SYNE2: variants seen among roughly 807,000 people sequenced by gnomAD.
The protein encoded by SYNE2 is spectrin repeat containing nuclear envelope protein 2.
In SYNE2, 431 loss-of-function variants were observed where a neutral mutation model predicts 856.3. The observed-to-expected ratio is 0.50, with a 90% CI of 0.47 to 0.55. The LOEUF (loss-of-function observed/expected upper bound fraction) is 0.55. SYNE2 is among the 20% of genes least tolerant of loss of function. The probability of loss-of-function intolerance (pLI) is 0.00; values close to 1 mark genes in which losing one functional copy is unlikely to be tolerated. For synonymous variants in SYNE2, 2,923 were observed against 2,872.3 expected (o/e 1.02, Z -0.56); for missense variants, 8,129 against 8,023.2 (o/e 1.01, Z -0.50).
At chr14:64,086,748 C>T (rs1398664691) in intron 57 of SYNE2, among the ~76,000 whole-genome samples, 3 of 137,478 alleles carry the variant, frequency 2.2e-5, no homozygotes, top group Non-Finnish European at 4.6e-5. Flanking sequence ...CTTGCTCTGT[C>T]ACCCAGGCTG....
chr14:64,216,467 A>G (rs765105621), intron 108 of SYNE2, 80 bp downstream of exon 108: 3 of 1,474,818 alleles, frequency 2.0e-6, no homozygotes, highest in Non-Finnish European at 2.8e-6. Flanking sequence ...ATTTTGGTGT[A>G]AACTGCGTGT....
At chr14:64,224,879 A>G (rs1481368319) in intron 114 of SYNE2, 120 bp from the exon 115 acceptor site, 1 of 936,110 alleles carries the variant, frequency 1.1e-6, no homozygotes, top group East Asian at 2.6e-5. Flanking sequence ...TAGTCTCCAA[A>G]GTTTGGCTGT....
chr14:63,774,095 G>A (rs1282834583), intron 1 of SYNE2, among the ~76,000 whole-genome samples: 1 of 152,182 alleles, frequency 6.6e-6, no homozygotes, highest in Non-Finnish European at 1.5e-5. Context: ...GGCACTTTGG[G>A]AGGCTGAGGC....
intron 1 of SYNE2, among the ~76,000 whole-genome samples, chr14:63,877,797 C>T (rs1449136349): frequency 1.3e-5 from 2 of 151,860 alleles, no homozygotes; most frequent in African/African-American, 4.8e-5. Flanking sequence ...CTGTGTTTCC[C>T]TGACAGTTCT....
chr14:64,047,211 G>A (rs1021414031), intron 45 of SYNE2, among the ~76,000 whole-genome samples: 2 of 152,210 alleles, frequency 1.3e-5, no homozygotes, highest in Non-Finnish European at 2.9e-5. Flanking sequence ...GGAAGGGCAG[G>A]TGGTCTTCCC....
intron 85 of SYNE2, among the ~76,000 whole-genome samples, chr14:64,155,724 C>T (rs1216876713): frequency 6.6e-6 from 1 of 152,096 alleles, no homozygotes; most frequent in Non-Finnish European, 1.5e-5. Flanking sequence ...GCCAGGAGTT[C>T]AAGAACAGCC....
chr14:64,223,740 T>C (rs1309233618), intron 113 of SYNE2, among the ~76,000 whole-genome samples: 1 of 152,194 alleles, frequency 6.6e-6, no homozygotes, highest in Non-Finnish European at 1.5e-5. Flanking sequence ...TGAGCCACCA[T>C]AGCTGGCCTA....
At chr14:63,783,591 C>T (rs1293538733) in intron 1 of SYNE2, among the ~76,000 whole-genome samples, 1 of 152,184 alleles carries the variant, frequency 6.6e-6, no homozygotes, top group Non-Finnish European at 1.5e-5. Context: ...TATAGTATCA[C>T]TTTTGTGGTA....
intron 2 of SYNE2, among the ~76,000 whole-genome samples, chr14:63,935,019 C>CT (rs886201814): frequency 5.5e-4 from 77 of 141,014 alleles, no homozygotes; most frequent in African/African-American, 1.1e-3. Context: ...GCCTTTGATG[C>CT]TTTTTTTTTT....
In SYNE2 at chr14:64,003,024, A is replaced by T; in HGVS notation, c.4091A>T (p.Glu1364Val). 6.2e-7 allele frequency: 1 copy of T among 1,614,182 alleles called. No individual in the cohort carries two copies. The highest frequency in any genetic ancestry group is 8.5e-7 in the Non-Finnish European group (1 of 1,180,014). ...AATACGTTGACAGTAAAAAATAAAG[A>T]GGGAGAAATTCATCTGATGAAAGAC... ...QENTLTVKNK[E>V]GEIHLMKDKA... Residue 1364 changes from glutamate (E) to valine (V), a missense_variant, in exon 30 of 116, where the codon GAG becomes GTG. Physicochemically the swap from Glu to Val is moderately radical, Grantham distance 121. Coordinates refer to ENST00000555002, the MANE Select transcript of SYNE2 (RefSeq NM_182914.3).
chr14:64,095,399 G>A (rs886995978), intron 61 of SYNE2, among the ~76,000 whole-genome samples: 3 of 152,120 alleles, frequency 2.0e-5, no homozygotes, highest in South Asian at 2.1e-4. Flanking sequence ...TTTGTACTTC[G>A]AATGGATCTT....
chr14:64,113,270 G>A (rs1286928559), intron 65 of SYNE2, 71 bp from the exon 66 acceptor site: 28 of 1,609,738 alleles, frequency 1.7e-5, no homozygotes, highest in African/African-American at 1.3e-5. Flanking sequence ...AAATGTTGCA[G>A]GTTCCCAGGT....
At chr14:63,795,933 AT>A (rs1887901970) in intron 1 of SYNE2, among the ~76,000 whole-genome samples, 1 of 152,214 alleles carries the variant, frequency 6.6e-6, no homozygotes, top group South Asian at 2.1e-4. Context: ...GAAAAGGCAA[AT>A]TTATAGAAAC....
In SYNE2 at chr14:64,209,385, C is replaced by G. The variant is rs755339347; in HGVS notation, c.18390-43C>G. On this transcript the variant is annotated intron_variant, in intron 101 of 115. Coordinates refer to ENST00000555002, the MANE Select transcript of SYNE2 (RefSeq NM_182914.3). ...GATAAAAGAAGTGCAAAAGCACAGG[C>G]TTGGAGGGGATGGCTTGTGTTAAGT... 36 of 1,614,110 alleles carry G rather than the reference C, an allele frequency of 2.2e-5. No homozygotes were observed. In the Middle Eastern group the frequency reaches 6.6e-4, roughly 30 times the overall value.
intron 30 of SYNE2, among the ~76,000 whole-genome samples, chr14:64,003,651 C>T (rs1273625002): frequency 6.6e-6 from 1 of 152,130 alleles, no homozygotes; most frequent in African/African-American, 2.4e-5. Flanking sequence ...CTGTGGAGTT[C>T]TCCTCAGGAC....
chr14:64,070,548 C>G, intron 51 of SYNE2, 97 bp from the exon 52 acceptor site: 7 of 1,041,996 alleles, frequency 6.7e-6, no homozygotes, highest in South Asian at 6.1e-5. Flanking sequence ...ACTAGGAACC[C>G]TTTGAAGAGA....
Position 63,994,044 on chromosome 14 carries a change from C to T in SYNE2, c.2781+75C>T, listed in dbSNP as rs558795126. 32 of 1,500,236 alleles carry T rather than the reference C, an allele frequency of 2.1e-5. No homozygotes were observed. The African/African-American group carries it at 4.3e-4, about 20-fold the overall frequency. The allele number at this position is 1,500,236 out of a possible 1,614,324, so 92.9% of individuals were successfully genotyped here. A position where few individuals can be genotyped will look rare whatever the true frequency, so the allele number is the denominator to read the frequency against. ...TGGGCTGTTGGTTGTCAGAGCCATT[C>T]CTGGGGTTTTCCTGTCTACGTTGTA... On this transcript the variant is annotated intron_variant, in intron 22 of 115. Transcript: ENST00000555002.
At chr14:63,762,919 TTAC>T (rs1387209052) in intron 1 of SYNE2, among the ~76,000 whole-genome samples, 1 of 152,216 alleles carries the variant, frequency 6.6e-6, no homozygotes, top group Non-Finnish European at 1.5e-5. Flanking sequence ...GTAATTTTCT[TTAC>T]TTTTTCTAAT....
In SYNE2 at chr14:64,051,607, C is replaced by T. The variant is rs200447122; in HGVS notation, c.7694C>T (p.Ala2565Val). The T allele has an allele frequency of 2.6e-5, 42 of 1,613,618 alleles. No homozygotes were observed. Among genetic ancestry groups the T allele is most frequent in the Non-Finnish European group, 1.8e-5 (21 of 1,179,892 alleles). Reference sequence around the variant, plus strand: ...CTGGACAAAATTAAAAAATTCATAGCATCCATAGAAAAAGAGAAAGATTCT... The same window carrying T: ...CTGGACAAAATTAAAAAATTCATAGTATCCATAGAAAAAGAGAAAGATTCT... ...TYLDKIKKFI[A>V]SIEKEKDSLG... Residue 2565 changes from alanine to valine, a missense_variant, in exon 48 of 116, where the codon GCA becomes GTA. Ala to Val is a moderately conservative substitution (Grantham distance 64). This residue lies in a region of SYNE2 where 5,410 missense variants were observed against 5,284.8 expected (regional missense o/e 1.02). Coordinates refer to ENST00000555002, the MANE Select transcript of SYNE2 (RefSeq NM_182914.3).
Sources: gnomAD v4.1 joint callset for allele counts (sites outside exome capture counted in the v4.1 genomes callset) on GRCh38, gnomAD v4.1.1 for gene constraint, gnomAD v4.1.1 regional missense constraint, MANE v1.5 for transcripts, NCBI Gene and HGNC (gene_info 2026-07-23, HGNC 2026-07-21) for gene names.